PHF14: variants seen among roughly 807,000 people sequenced by gnomAD.
The protein encoded by PHF14 is PHD finger protein 14.
A neutral mutation model predicts 117.9 loss-of-function variants in PHF14; 55 were observed. The observed-to-expected ratio is 0.47, with a 90% CI of 0.38 to 0.58. PHF14 has a LOEUF of 0.58. PHF14 is among the 20% of genes least tolerant of loss of function. PHF14 has a pLI of 0.00. For synonymous variants in PHF14, 409 were observed against 368.6 expected, an observed-to-expected ratio of 1.11 and a Z score of -1.26; for missense variants, 978 against 1,122.2, an observed-to-expected ratio of 0.87 and a Z score of 1.84.
At chr7:11,011,470 T>G (rs1783356230) in intron 4 of PHF14, among the ~76,000 whole-genome samples, 1 of 152,242 alleles carries the variant, frequency 6.6e-6, no homozygotes, top group Non-Finnish European at 1.5e-5. Context: ...GTGGCTTATT[T>G]AATGTCATCA....
At chr7:11,098,860 G>T (rs1206587425) in intron 16 of PHF14, among the ~76,000 whole-genome samples, 1 of 152,026 alleles carries the variant, frequency 6.6e-6, no homozygotes, top group African/African-American at 2.4e-5. Flanking sequence ...CTTAGACCAG[G>T]TTTTATAAAA....
At chr7:11,059,260 G>T (rs1190297305) in intron 14 of PHF14, among the ~76,000 whole-genome samples, 8 of 152,096 alleles carry the variant, frequency 5.3e-5, no homozygotes, top group Non-Finnish European at 1.2e-4. Context: ...ATCCTTAAAA[G>T]AATTGAAAAC....
intron 6 of PHF14, among the ~76,000 whole-genome samples, chr7:11,024,697 C>T (rs1484747255): frequency 6.6e-6 from 1 of 152,168 alleles, no homozygotes; most frequent in Non-Finnish European, 1.5e-5. Context: ...ATATTTTAAG[C>T]CCCTTGTTGA....
intron 16 of PHF14, among the ~76,000 whole-genome samples, chr7:11,069,871 G>A (rs1207800501): frequency 6.6e-6 from 1 of 150,634 alleles, no homozygotes; most frequent in Non-Finnish European, 1.5e-5. Context: ...TTTTTTTCTG[G>A]TAGAAGTATC....
Position 11,105,060 on chromosome 7 carries a change from A to T in PHF14, c.2655-6290A>T. 4 of 905,094 alleles carry T rather than the reference A, an allele frequency of 4.4e-6. No individual in the cohort carries two copies. In the South Asian group the frequency reaches 2.0e-4, roughly 46 times the overall value. The allele number at this position is 905,094 out of a possible 1,614,324, so 56.1% of individuals were successfully genotyped here. A position where few individuals can be genotyped will look rare whatever the true frequency, so the allele number is the denominator to read the frequency against. ...AATGTTTGTTTTACACTGACTATGG[A>T]AACAGCACTATTTTAGATACAGAAA... On this transcript the variant is annotated intron_variant, in intron 16 of 17. Transcript: ENST00000634607.
intron 2 of PHF14, among the ~76,000 whole-genome samples, chr7:10,979,551 C>CT (rs1781983908): frequency 1.4e-5 from 2 of 145,314 alleles, no homozygotes; most frequent in Non-Finnish European, 1.5e-5. Flanking sequence ...TCCTTTCTCT[C>CT]TCTTTTTTTT....
chr7:11,096,667 A>C (rs1349577068), intron 16 of PHF14, among the ~76,000 whole-genome samples: 1 of 152,190 alleles, frequency 6.6e-6, no homozygotes, highest in Non-Finnish European at 1.5e-5. Flanking sequence ...GAAAAAGATA[A>C]AGCAGATTTG....
intron 17 of PHF14, among the ~76,000 whole-genome samples, chr7:11,128,651 T>C (rs911274902): frequency 1.3e-5 from 2 of 151,762 alleles, no homozygotes; most frequent in African/African-American, 2.4e-5. Context: ...CCATATATAA[T>C]CTAGACTCAT....
intron 17 of PHF14, among the ~76,000 whole-genome samples, chr7:11,124,823 A>C (rs1050654043): frequency 2.6e-5 from 4 of 152,174 alleles, no homozygotes; most frequent in Admixed American, 2.0e-4. Flanking sequence ...GATTTTCATC[A>C]TGTAAAACTC....
chr7:10,991,019 C>G (rs563550739), intron 4 of PHF14, among the ~76,000 whole-genome samples, 172 bp downstream of exon 4: 4 of 152,198 alleles, frequency 2.6e-5, no homozygotes, highest in African/African-American at 9.6e-5. Context: ...GAGATGGAGT[C>G]TCACTGTGTC....
chr7:10,974,112 G>C lies in PHF14; in HGVS notation c.-212G>C. 1.8e-6 allele frequency: 1 copy of C among 550,358 alleles called. No individual in the cohort carries two copies. Among genetic ancestry groups the C allele is most frequent in the Non-Finnish European group, 3.3e-6 (1 of 305,570 alleles). The allele number at this position is 550,358 out of a possible 1,614,324, so 34.1% of individuals were successfully genotyped here. A position where few individuals can be genotyped will look rare whatever the true frequency, so the allele number is the denominator to read the frequency against. On this transcript the variant is annotated 5_prime_UTR_variant, in exon 1 of 18. Transcript: ENST00000634607. Reference sequence around the variant, plus strand: ...CAGGGAGCGCTGTGGGAAGGGGCTCGAGCGGCCAGGGCCAGGCGAGGCCGG... The same window carrying C: ...CAGGGAGCGCTGTGGGAAGGGGCTCCAGCGGCCAGGGCCAGGCGAGGCCGG...
intron 4 of PHF14, among the ~76,000 whole-genome samples, chr7:11,007,437 G>T (rs972515994): frequency 6.6e-6 from 1 of 151,538 alleles, no homozygotes; most frequent in Non-Finnish European, 1.5e-5. Flanking sequence ...TAACTCTTTT[G>T]GGACTAGTTT....
intron 16 of PHF14, chr7:11,105,630 C>G (rs1787232838): frequency 1.0e-6 from 1 of 984,506 alleles, no homozygotes; most frequent in Admixed American, 6.2e-5. Context: ...CTGTCTGAAT[C>G]AGCACTTTGT....
chr7:11,069,620 TCCC>T (rs1320976810), intron 16 of PHF14, among the ~76,000 whole-genome samples: 1 of 41,364 alleles, frequency 2.4e-5, no homozygotes, highest in Non-Finnish European at 4.4e-5. Flanking sequence ...CCTCCCTCCC[TCCC>T]TTCTTTCCTT....
In PHF14 at chr7:11,035,442, A is replaced by G. The variant is rs549206259; in HGVS notation, c.1456-198A>G. 2.7e-5 allele frequency: 9 copies of G among 335,656 alleles called. No individual in the cohort carries two copies. In the South Asian group the frequency reaches 9.8e-4, roughly 36 times the overall value. 20.8% of individuals were successfully genotyped at this position (335,656 alleles called of 1,614,324 possible). ...CCTTTAAAGAAAAACGTTGTTGGTAATTTGAAGTTGACATACAAGATCAAG... is the reference window on the plus strand; with the variant it reads ...CCTTTAAAGAAAAACGTTGTTGGTAGTTTGAAGTTGACATACAAGATCAAG... On this transcript the variant is annotated intron_variant, in intron 7 of 17. Transcript: ENST00000634607.
chr7:11,153,939 C>CTGTG (rs975709011), intron 17 of PHF14, among the ~76,000 whole-genome samples: 3 of 138,530 alleles, frequency 2.2e-5, no homozygotes, highest in African/African-American at 8.2e-5. Context: ...TGGTCCCTGT[C>CTGTG]TGTGTGTGCG....
chr7:11,029,144 G>C (rs571982976), intron 7 of PHF14, among the ~76,000 whole-genome samples: 1 of 152,202 alleles, frequency 6.6e-6, no homozygotes, highest in African/African-American at 2.4e-5. Flanking sequence ...TATACGAGAA[G>C]CTGAAACTGT....
intron 17 of PHF14, among the ~76,000 whole-genome samples, chr7:11,145,404 G>T (rs1338101201): frequency 6.6e-6 from 1 of 152,016 alleles, no homozygotes; most frequent in Admixed American, 6.6e-5. Flanking sequence ...TTTTAAAAAA[G>T]TCACTGTGCT....
intron 16 of PHF14, chr7:11,105,995 G>A: frequency 4.1e-6 from 4 of 984,900 alleles, no homozygotes; most frequent in Non-Finnish European, 4.8e-6. Flanking sequence ...ATTTCCAAGG[G>A]CATGAGCAGA....
Sources: gnomAD v4.1 joint callset for allele counts (sites outside exome capture counted in the v4.1 genomes callset) on GRCh38, gnomAD v4.1.1 for gene constraint, MANE v1.5 for transcripts, NCBI Gene and HGNC (gene_info 2026-07-23, HGNC 2026-07-21) for gene names.